The following DNAH14 variants were observed in gnomAD, a reference collection of about 807,000 sequenced individuals.
DNAH14 encodes dynein axonemal heavy chain 14.
DNAH14 carries 478 observed loss-of-function variants against 520.9 expected under a neutral mutation model. That is an observed-to-expected ratio of 0.92 (90% CI 0.85 to 0.99). The LOEUF (loss-of-function observed/expected upper bound fraction) is 0.99, where lower values mean the gene tolerates loss of function less well. Ranked by LOEUF, DNAH14 falls within the 50% of genes least tolerant of loss-of-function variation. The pLI, the probability that DNAH14 is intolerant of heterozygous loss-of-function variation, is 0.00. For missense variants in DNAH14, 4,831 were observed against 5,234.5 expected, an observed-to-expected ratio of 0.92 and a Z score of 2.38; for synonymous variants, 1,581 against 1,757.2, an observed-to-expected ratio of 0.90 and a Z score of 2.51.
At chr1:225,157,785 T>C (rs1185515329) in intron 34 of DNAH14, among the ~76,000 whole-genome samples, 1 of 152,186 alleles carries the variant, frequency 6.6e-6, no homozygotes, top group Non-Finnish European at 1.5e-5. Context: ...TCCCTTTGAC[T>C]TCAAGTGGAC....
intron 69 of DNAH14, among the ~76,000 whole-genome samples, chr1:225,345,130 A>G (rs1036257813): frequency 2.0e-5 from 3 of 152,182 alleles, no homozygotes; most frequent in Non-Finnish European, 4.4e-5. Flanking sequence ...AGGTCCAGAC[A>G]TTACTGCAAA....
At chr1:225,089,034 G>A (rs139740531) in intron 21 of DNAH14, among the ~76,000 whole-genome samples, 1 of 152,248 alleles carries the variant, frequency 6.6e-6, no homozygotes, top group Non-Finnish European at 1.5e-5. Context: ...TTCATTTAAG[G>A]AAGAAATAAT....
chr1:224,932,450 T>G (rs1482570885), intron 1 of DNAH14, among the ~76,000 whole-genome samples: 9 of 152,142 alleles, frequency 5.9e-5, no homozygotes, highest in Non-Finnish European at 1.0e-4. Context: ...TGCAGAAACT[T>G]TCTAGTTTAA....
intron 77 of DNAH14, among the ~76,000 whole-genome samples, chr1:225,374,266 A>ACT (rs2095665912): frequency 3.0e-5 from 1 of 32,944 alleles, no homozygotes; most frequent in Non-Finnish European, 7.6e-5. Flanking sequence ...ATATATATAT[A>ACT]TATATTTTTT....
chr1:225,019,862 G>A (rs2065519312), intron 10 of DNAH14, among the ~76,000 whole-genome samples: 1 of 152,134 alleles, frequency 6.6e-6, no homozygotes, highest in Non-Finnish European at 1.5e-5. Flanking sequence ...AAAGAAGGAT[G>A]AAGAGGAAAG....
Position 225,338,070 on chromosome 1 carries a change from G to A in DNAH14, c.10321G>A (p.Glu3441Lys), listed in dbSNP as rs2095098506. 3 of 1,536,340 alleles carry A rather than the reference G, an allele frequency of 2.0e-6. No individual in the cohort carries two copies. The highest frequency in any genetic ancestry group is 2.1e-5 in the Admixed American group (1 of 47,676). ...CTATTGGGTTTTTCAGAATCTCCTT[G>A]AGACATTAGCTCCAGGCTTAAAGGC... is the stretch of plus-strand genomic sequence containing the variant. The part of the protein sequence containing the change: ...GGSVLLQNLL[E>K]TLAPGLKAIL... Residue 3441 changes from glutamate (E) to lysine (K), a missense_variant, in exon 68 of 86, where the codon GAG (glutamate) becomes AAG (lysine). By Grantham distance (56) the Glu-to-Lys change is moderately conservative. Transcript: ENST00000682510.
At chr1:224,979,347 G>A (rs933553499) in intron 8 of DNAH14, among the ~76,000 whole-genome samples, 4 of 152,098 alleles carry the variant, frequency 2.6e-5, no homozygotes, top group African/African-American at 9.7e-5. Flanking sequence ...AGTGCTTGTG[G>A]GACTGTTCAT....
chr1:225,083,504 A>G (rs550451729), intron 20 of DNAH14, among the ~76,000 whole-genome samples: 1 of 152,224 alleles, frequency 6.6e-6, no homozygotes, highest in South Asian at 2.1e-4. Context: ...GTAATCTCCT[A>G]TTCAATATCT....
intron 44 of DNAH14, 67 bp downstream of exon 44, chr1:225,252,484 A>T (rs775249527): frequency 1.1e-4 from 97 of 844,898 alleles, no homozygotes; most frequent in Non-Finnish European, 1.7e-4. Context: ...TCATAAAAGT[A>T]ATTATATCTA....
intron 52 of DNAH14, among the ~76,000 whole-genome samples, chr1:225,274,291 G>A (rs111495807): frequency 0.05 from 6,918 of 139,586 alleles, 249 homozygotes; most frequent in Non-Finnish European, 0.072. Context: ...TGCAAGCTCC[G>A]CCTTCCGGGT....
intron 36 of DNAH14, among the ~76,000 whole-genome samples, chr1:225,173,107 T>C (rs986547484): frequency 6.6e-6 from 1 of 152,158 alleles, no homozygotes; most frequent in African/African-American, 2.4e-5. Flanking sequence ...CAAAAATTAA[T>C]TCAAGATGGA....
chr1:225,257,667 C>A (rs1285575576), intron 44 of DNAH14, among the ~76,000 whole-genome samples: 1 of 151,852 alleles, frequency 6.6e-6, no homozygotes, highest in Non-Finnish European at 1.5e-5. Flanking sequence ...TCCCGAGTAG[C>A]TGGGACTGCA....
chr1:224,974,056 T>C, intron 7 of DNAH14, 35 bp from the exon 8 acceptor site: 1 of 1,379,894 alleles, frequency 7.2e-7, no homozygotes. Flanking sequence ...ACGTGGTTTA[T>C]GGATATGGAA....
chr1:225,028,260 T>TTG (rs113513525), intron 11 of DNAH14, among the ~76,000 whole-genome samples: 8,340 of 152,028 alleles, frequency 0.055, 466 homozygotes, highest in East Asian at 0.24. Flanking sequence ...GCCTCAGCTT[T>TTG]TGTGTGTGTG....
Position 225,144,430 on chromosome 1 carries a change from G to A in DNAH14, c.4542G>A (p.Lys1514=). 6.4e-7 allele frequency: 1 copy of A among 1,551,402 alleles called. No homozygotes were observed. The highest frequency in any genetic ancestry group is 8.7e-7 in the Non-Finnish European group (1 of 1,146,850). Residue 1514 remains lysine (K), a synonymous_variant, in exon 29 of 86, where the codon AAG becomes AAA. Transcript: ENST00000682510. The part of the protein sequence containing the change: ...HLQYKWNEKQ[K]LCYVSQGNAS... ...AATATAAATGGAATGAAAAACAAAA[G>A]TTGTGCTATGTGTCTCAAGGAAATG...
At chr1:225,091,287 C>T (rs957157090) in intron 21 of DNAH14, among the ~76,000 whole-genome samples, 2 of 152,026 alleles carry the variant, frequency 1.3e-5, no homozygotes, top group African/African-American at 2.4e-5. Context: ...GACACATAAT[C>T]GTCAGATTCT....
chr1:225,238,843 A>ATTT (rs2091784911), intron 42 of DNAH14, among the ~76,000 whole-genome samples: 2 of 152,092 alleles, frequency 1.3e-5, no homozygotes, highest in Non-Finnish European at 2.9e-5. Context: ...CATGGAGGCC[A>ATTT]CACCCAGTGA....
chr1:225,282,678 TGA>T (rs2093653052), intron 54 of DNAH14, among the ~76,000 whole-genome samples: 1 of 152,192 alleles, frequency 6.6e-6, no homozygotes, highest in African/African-American at 2.4e-5. Flanking sequence ...CTCAGAAAGA[TGA>T]GAGGGCTGAA....
At chr1:225,267,937 A>G (rs892849889) in intron 49 of DNAH14, among the ~76,000 whole-genome samples, 1 of 152,064 alleles carries the variant, frequency 6.6e-6, no homozygotes, top group Admixed American at 6.5e-5. Context: ...GGCAGGAAAT[A>G]GGGTCTGGAA....
Sources: allele counts gnomAD v4.1 joint callset (sites outside exome capture counted in the v4.1 genomes callset), GRCh38; gene constraint gnomAD v4.1.1; transcripts MANE v1.5; gene names NCBI Gene and HGNC (gene_info 2026-07-23, HGNC 2026-07-21).